MYOM2: variants seen among roughly 807,000 people sequenced by gnomAD.
MYOM2 encodes the protein myomesin-2.
MYOM2 carries 254 observed loss-of-function variants against 187.6 expected under a neutral mutation model. The ratio of observed to expected loss-of-function variants is 1.35; its 90% CI spans 1.22 to 1.50. The LOEUF is 1.50. MYOM2 is among the 40% of genes most tolerant of loss of function. The probability of loss-of-function intolerance (pLI) is 0.00; values close to 1 mark genes in which losing one functional copy is unlikely to be tolerated. For synonymous variants in MYOM2, 981 were observed against 753.8 expected (o/e 1.30, Z -4.94); for missense variants, 2,796 against 1,924.0 (o/e 1.45, Z -8.48).
At chr8:2,116,998 C>T (rs1202204466) in intron 27 of MYOM2, among the ~76,000 whole-genome samples, 3 of 152,200 alleles carry the variant, frequency 2.0e-5, no homozygotes, top group African/African-American at 4.8e-5. Flanking sequence ...CTCCTGACCT[C>T]GTGATCCGCC....
rs766700367 is a variant in MYOM2 at position 2,072,487 on chromosome 8, G to A, written c.936G>A (p.Pro312=). The part of the protein sequence containing the change: ...LVTPDLKRVQ[P]RAEWYRDDVL... ...CGCCGGACCTGAAGCGGGTGCAGCC[G>A]CGCGCCGAGTGGTACCGCGATGGTG... The change falls in exon 9 of 37, where the codon CCG becomes CCA. Residue 312 remains proline, a synonymous_variant. Coordinates refer to ENST00000262113, the MANE Select transcript of MYOM2 (RefSeq NM_003970.4). 6.2e-6 allele frequency: 10 copies of A among 1,613,554 alleles called. No homozygotes were observed. The highest frequency in any genetic ancestry group is 5.3e-5 in the African/African-American group (4 of 74,944).
chr8:2,049,495 G>A (rs1282408436), intron 1 of MYOM2, among the ~76,000 whole-genome samples: 2 of 152,276 alleles, frequency 1.3e-5, no homozygotes, highest in South Asian at 4.1e-4. Flanking sequence ...ACGTACCCTG[G>A]AGATCTGAAC....
At chr8:2,067,235 A>T (rs1461195825) in intron 6 of MYOM2, among the ~76,000 whole-genome samples, 1 of 152,200 alleles carries the variant, frequency 6.6e-6, no homozygotes, top group African/African-American at 2.4e-5. Context: ...CTTCGCAGGA[A>T]TGGATTTTGT....
At chr8:2,107,641 A>G (rs1220611751) in intron 23 of MYOM2, among the ~76,000 whole-genome samples, 1 of 152,130 alleles carries the variant, frequency 6.6e-6, no homozygotes, top group East Asian at 1.9e-4. Context: ...ATTTAACAAG[A>G]CACAGGCAGA....
At chr8:2,076,336 A>G in intron 11 of MYOM2, 54 bp downstream of exon 11, 1 of 1,583,694 alleles carries the variant, frequency 6.3e-7, no homozygotes, top group Non-Finnish European at 8.6e-7. Flanking sequence ...GAATCTTACC[A>G]TGGACAATAT....
At chr8:2,130,927 C>A (rs1294951299) in intron 32 of MYOM2, among the ~76,000 whole-genome samples, 1 of 152,204 alleles carries the variant, frequency 6.6e-6, no homozygotes, top group African/African-American at 2.4e-5. Context: ...TCATCAGCAT[C>A]TTTGAGCTTC....
At chr8:2,121,411 C>T (rs941287258) in intron 28 of MYOM2, among the ~76,000 whole-genome samples, 4 of 152,110 alleles carry the variant, frequency 2.6e-5, no homozygotes, top group African/African-American at 4.8e-5. Context: ...ATAGAACCGT[C>T]TATAAATATT....
chr8:2,098,947 C>A lies in MYOM2; in HGVS notation c.2404C>A (p.His802Asn). 6.2e-7 allele frequency: 1 copy of A among 1,613,604 alleles called. No individual in the cohort carries two copies. The highest frequency in any genetic ancestry group is 1.1e-5 in the South Asian group (1 of 90,900). Reference protein sequence around the residue: ...GIGEPSDPSEHFKCEAWTMPE... With the variant: ...GIGEPSDPSENFKCEAWTMPE... The stretch of plus-strand genomic sequence containing the variant: ...CGGGGAGCCCTCAGATCCCAGTGAG[C>A]ACTTCAAGTGTGAGGCCTGGACCAT... The change falls in exon 19 of 37, where the codon CAC (histidine) becomes AAC (asparagine). Residue 802 changes from histidine to asparagine, a missense_variant. By Grantham distance (68) the His-to-Asn change is moderately conservative. Transcript: ENST00000262113.
At chr8:2,067,983 C>G (rs1405340028) in intron 6 of MYOM2, among the ~76,000 whole-genome samples, 3 of 152,104 alleles carry the variant, frequency 2.0e-5, no homozygotes, top group Admixed American at 6.5e-5. Context: ...TAATCGGTCT[C>G]TGCACCTTGG....
chr8:2,124,126 G>A, intron 30 of MYOM2, 53 bp from the exon 31 acceptor site: 4 of 1,536,426 alleles, frequency 2.6e-6, no homozygotes, highest in Middle Eastern at 1.7e-4. Context: ...TGAAAATGCT[G>A]CTTTCGGTTA....
intron 17 of MYOM2, 132 bp downstream of exon 17, chr8:2,094,223 T>C: frequency 8.4e-7 from 1 of 1,183,984 alleles, no homozygotes; most frequent in South Asian, 1.6e-5. Flanking sequence ...ACAGAGAACT[T>C]GAGTTTCTTT....
chr8:2,134,995 C>T (rs1038809046), intron 32 of MYOM2, among the ~76,000 whole-genome samples: 2 of 152,120 alleles, frequency 1.3e-5, no homozygotes, highest in Admixed American at 1.3e-4. Context: ...GGCACACACT[C>T]GCTCATCCGT....
chr8:2,125,508 A>C (rs1011526166), intron 31 of MYOM2, among the ~76,000 whole-genome samples: 12 of 151,964 alleles, frequency 7.9e-5, no homozygotes, highest in African/African-American at 2.9e-4. Flanking sequence ...TTTTGAAATC[A>C]GGAGTGCGAT....
intron 21 of MYOM2, 52 bp from the exon 22 acceptor site, chr8:2,106,190 T>G: frequency 3.8e-6 from 6 of 1,569,082 alleles, no homozygotes; most frequent in Admixed American, 1.8e-5. Flanking sequence ...CAAAAGAGAG[T>G]TGAAAGAACA....
At chr8:2,122,884 C>T (rs115948463) in intron 28 of MYOM2, among the ~76,000 whole-genome samples, 1,545 of 152,234 alleles carry the variant, frequency 0.01, 21 homozygotes, top group African/African-American at 0.036. Flanking sequence ...TTTACAGACC[C>T]CTCAGAATAT....
intron 19 of MYOM2, among the ~76,000 whole-genome samples, chr8:2,100,138 T>TTCCC (rs1796652151): frequency 7.9e-6 from 1 of 125,934 alleles, no homozygotes. Flanking sequence ...CTTTCCTTCC[T>TTCCC]TCCTTCCTTC....
chr8:2,143,430 G>C lies in MYOM2; in HGVS notation c.4054G>C (p.Asp1352His), dbSNP rs1268911833. 1 of 1,614,142 alleles carries C rather than the reference G, an allele frequency of 6.2e-7. No individual in the cohort carries two copies. Among genetic ancestry groups the C allele is most frequent in the Non-Finnish European group, 8.5e-7 (1 of 1,180,038 alleles). The change falls in exon 36 of 37, where the codon GAC becomes CAC. Residue 1352 changes from aspartate to histidine, a missense_variant. Transcript: ENST00000262113. ...NRGRLIGGLP[D>H]VVTIMEGKTL... ...TGGCAGGTTGATCGGCGGCTTGCCTGACGTGGTGACCATCATGGAAGGGAA... is the reference window on the plus strand; with the variant it reads ...TGGCAGGTTGATCGGCGGCTTGCCTCACGTGGTGACCATCATGGAAGGGAA...
Position 2,140,840 on chromosome 8 carries a change from C to T in MYOM2, c.3918C>T (p.Phe1306=), listed in dbSNP as rs369265146. The T allele has an allele frequency of 4.0e-5, 65 of 1,613,880 alleles. No individual in the cohort carries two copies. Among genetic ancestry groups the T allele is most frequent in the African/African-American group, 8.0e-5 (6 of 74,892 alleles). The change falls in exon 33 of 37, where the codon TTC becomes TTT. Residue 1306 remains phenylalanine (F), a synonymous_variant. Coordinates refer to ENST00000262113, the MANE Select transcript of MYOM2 (RefSeq NM_003970.4). ...AAGGAAAATACACTTTTGAGATTTT[C>T]GATGGCAAAGACAACCATCAACGCT... ...KDKGKYTFEI[F]DGKDNHQRSL...
intron 32 of MYOM2, among the ~76,000 whole-genome samples, chr8:2,131,430 C>T (rs112118597): frequency 4.3e-4 from 65 of 151,970 alleles, no homozygotes; most frequent in African/African-American, 1.4e-3. Flanking sequence ...GCTCCAAGCC[C>T]AGTGAAGAGG....
Sources: gnomAD v4.1 joint callset for allele counts (sites outside exome capture counted in the v4.1 genomes callset) on GRCh38, gnomAD v4.1.1 for gene constraint, MANE v1.5 for transcripts, NCBI Gene and HGNC (gene_info 2026-07-23, HGNC 2026-07-21) for gene names.